HERC2: variants seen among roughly 807,000 people sequenced by gnomAD.
HERC2 encodes HECT and RLD domain containing E3 ubiquitin protein ligase 2, also known as E3 ubiquitin-protein ligase HERC2.
A neutral mutation model predicts 537.7 loss-of-function variants in HERC2; 102 were observed. The observed-to-expected ratio is 0.19, with a 90% CI of 0.16 to 0.22. The LOEUF (loss-of-function observed/expected upper bound fraction) is 0.22, where lower values mean the gene tolerates loss of function less well. Among genes scored for constraint, HERC2 ranks in the 10% least tolerant of loss-of-function variants. HERC2 has a pLI of 1.00. For missense variants in HERC2, 4,236 were observed against 6,198.2 expected (o/e 0.68, Z 10.63); for synonymous variants, 2,224 against 2,466.2 (o/e 0.90, Z 2.91).
intron 83 of HERC2, among the ~76,000 whole-genome samples, chr15:28,129,581 C>T (rs922458828): frequency 1.3e-5 from 2 of 152,218 alleles, no homozygotes; most frequent in Admixed American, 6.5e-5. Context: ...GGTTCCCAGA[C>T]ACCAGCAGAG....
chr15:28,258,392 A>T (rs2075325699), intron 16 of HERC2, among the ~76,000 whole-genome samples: 1 of 152,116 alleles, frequency 6.6e-6, no homozygotes, highest in South Asian at 2.1e-4. Flanking sequence ...GAATTGCTTG[A>T]ACCCGGGAGA....
chr15:28,246,153 G>A (rs1176227204), intron 22 of HERC2, 87 bp from the exon 23 acceptor site: 2 of 808,242 alleles, frequency 2.5e-6, no homozygotes, highest in African/African-American at 3.5e-5. Flanking sequence ...ATTCTGCTAA[G>A]TCACAAAATA....
chr15:28,311,513 G>A (rs2141277722), intron 2 of HERC2, among the ~76,000 whole-genome samples: 1 of 151,992 alleles, frequency 6.6e-6, no homozygotes, highest in Admixed American at 6.6e-5. Context: ...TAAATCAAAT[G>A]TGAAAGGGAA....
chr15:28,179,117 T>C, intron 58 of HERC2, 25 bp downstream of exon 58: 1 of 1,601,694 alleles, frequency 6.2e-7, no homozygotes, highest in Non-Finnish European at 8.5e-7. Flanking sequence ...AATTTAAAAA[T>C]TTTTTAAGAT....
At chr15:28,320,512 T>C (rs1194311269) in intron 2 of HERC2, 7 of 152,008 alleles carry the variant, frequency 4.6e-5, no homozygotes, top group African/African-American at 1.7e-4. Context: ...AACACTTCAG[T>C]GTAAGTATCC....
chr15:28,185,815 T>C (rs1450317051), intron 56 of HERC2, among the ~76,000 whole-genome samples: 1 of 152,228 alleles, frequency 6.6e-6, no homozygotes, highest in Admixed American at 6.5e-5. Context: ...TCTTCCTGCC[T>C]CTTACCAAAG....
chr15:28,147,395 G>A (rs1383861025), intron 70 of HERC2, among the ~76,000 whole-genome samples: 3 of 152,174 alleles, frequency 2.0e-5, no homozygotes, highest in Non-Finnish European at 2.9e-5. Flanking sequence ...TCGGGAGGCC[G>A]AGGCAGGCAG....
intron 12 of HERC2, among the ~76,000 whole-genome samples, chr15:28,266,243 C>T (rs140207712): frequency 4.6e-4 from 70 of 152,196 alleles, no homozygotes; most frequent in African/African-American, 1.5e-3. Context: ...AGGCTAGGCG[C>T]GGTGGCTCAC....
intron 20 of HERC2, among the ~76,000 whole-genome samples, chr15:28,252,350 G>C (rs1453860997): frequency 6.6e-6 from 1 of 151,840 alleles, no homozygotes; most frequent in Non-Finnish European, 1.5e-5. Flanking sequence ...GAGAACAAAG[G>C]ACCCACAACA....
At chr15:28,275,112 T>G (rs1283832780) in intron 5 of HERC2, 107 bp from the exon 6 acceptor site, 1 of 570,330 alleles carries the variant, frequency 1.8e-6, no homozygotes, top group African/African-American at 1.9e-5. Flanking sequence ...GACCAATGGT[T>G]TTCTTCAAGT....
chr15:28,180,087 A>G (rs1001265159), intron 57 of HERC2, among the ~76,000 whole-genome samples: 1 of 152,210 alleles, frequency 6.6e-6, no homozygotes, highest in Non-Finnish European at 1.5e-5. Flanking sequence ...ACTCGCCCAG[A>G]GCAACTTCCA....
In HERC2 at chr15:28,176,944, A is replaced by C; in HGVS notation, c.9432+6T>G. ...TTCTGCAAGCAACAAAAATGCGTAT[A>C]ATCACCATTTTGGGCTTTAGCTGTG... On this transcript the variant is annotated splice_donor_region_variant and intron_variant, in intron 61 of 92. Coordinates refer to ENST00000261609, the MANE Select transcript of HERC2 (RefSeq NM_004667.6). This position sits in a 1 kb window ranked among gnomAD's most constrained non-coding sequence, Gnocchi z 5.0. 6.2e-7 allele frequency: 1 copy of C among 1,607,484 alleles called. No individual in the cohort carries two copies. Among genetic ancestry groups the C allele is most frequent in the Non-Finnish European group, 8.5e-7 (1 of 1,175,100 alleles).
chr15:28,280,026 T>C (rs1297976255), intron 5 of HERC2, 42 bp downstream of exon 5: 7 of 1,468,426 alleles, frequency 4.8e-6, no homozygotes, highest in Non-Finnish European at 5.6e-6. Flanking sequence ...CTGAATTTTA[T>C]ATTTAACTGG....
At chr15:28,163,355 C>T (rs975545897) in intron 68 of HERC2, 70 bp from the exon 69 acceptor site, 10 of 1,395,786 alleles carry the variant, frequency 7.2e-6, no homozygotes, top group Middle Eastern at 1.8e-4. Context: ...CACCAGTTTA[C>T]CCATAAACTC....
chr15:28,133,474 T>C (rs903321775), intron 79 of HERC2, among the ~76,000 whole-genome samples: 2 of 152,220 alleles, frequency 1.3e-5, no homozygotes, highest in African/African-American at 4.8e-5. Context: ...ATATTTTTCT[T>C]TCATGAATCA....
chr15:28,163,121 A>G lies in HERC2; in HGVS notation c.10719T>C (p.Leu3573=), dbSNP rs1339999009. 1 of 1,611,536 alleles carries G rather than the reference A, an allele frequency of 6.2e-7. No homozygotes were observed. The highest frequency in any genetic ancestry group is 1.1e-5 in the South Asian group (1 of 91,054). The part of the protein sequence containing the change: ...DRGRDVLSAV[L]SGMGTAYPQV... ...GTGGGTAGGCGGTCCCCATGCCGGA[A>G]AGCACCGCGGAGAGCACATCCCTGC... Residue 3573 remains leucine, a synonymous_variant, in exon 69 of 93, where the codon CTT becomes CTC. Coordinates refer to ENST00000261609, the MANE Select transcript of HERC2 (RefSeq NM_004667.6).
rs200181265 is a variant in HERC2 at position 28,228,290 on chromosome 15, C to A, written c.5392G>T (p.Gly1798Cys). 244 of 1,613,078 alleles carry A rather than the reference C, an allele frequency of 1.5e-4. 1 individual carries two copies. The highest frequency in any genetic ancestry group is 2.5e-5 in the Non-Finnish European group (30 of 1,179,874). ...VMLSMLTLQH[G>C]ANNLDLLLNS... ...AGCAGAAGGTCGAGGTTGTTTGCGCCGTGCTGCAGGGTGAGCATGCTGAGC... is the reference window on the plus strand; with the variant it reads ...AGCAGAAGGTCGAGGTTGTTTGCGCAGTGCTGCAGGGTGAGCATGCTGAGC... Residue 1798 changes from glycine to cysteine, a missense_variant, in exon 35 of 93, where the codon GGC becomes TGC. Gly to Cys is a radical substitution (Grantham distance 159, BLOSUM62 -3). Transcript: ENST00000261609.
chr15:28,210,618 G>A (rs1368892852), intron 44 of HERC2, among the ~76,000 whole-genome samples: 1 of 151,818 alleles, frequency 6.6e-6, no homozygotes, highest in Non-Finnish European at 1.5e-5. Flanking sequence ...CATGGAGTGC[G>A]GCTTTACGCG....
chr15:28,164,007 C>T (rs1401169950), intron 68 of HERC2, among the ~76,000 whole-genome samples: 2 of 152,176 alleles, frequency 1.3e-5, no homozygotes, highest in African/African-American at 2.4e-5. Flanking sequence ...ACAGAAGCCT[C>T]CTGGAGGGCA....
Sources: gnomAD v4.1 joint callset for allele counts (sites outside exome capture counted in the v4.1 genomes callset) on GRCh38, gnomAD v4.1.1 for gene constraint, Gnocchi (gnomAD v3.1) non-coding constraint, MANE v1.5 for transcripts, NCBI Gene and HGNC (gene_info 2026-07-23, HGNC 2026-07-21) for gene names.